Variants in ITGB5 observed in about 807,000 individuals in gnomAD.
The protein encoded by ITGB5 is integrin beta-5.
ITGB5 carries 38 observed loss-of-function variants against 84.8 expected under a neutral mutation model. The ratio of observed to expected loss-of-function variants is 0.45; its 90% CI spans 0.35 to 0.59. The LOEUF (loss-of-function observed/expected upper bound fraction) is 0.59. Among genes scored for constraint, ITGB5 ranks in the 20% least tolerant of loss-of-function variants. ITGB5 has a pLI of 0.01. For missense variants in ITGB5, 905 were observed against 1,034.5 expected, an observed-to-expected ratio of 0.87 and a Z score of 1.72; for synonymous variants, 393 against 414.4, an observed-to-expected ratio of 0.95 and a Z score of 0.63.
chr3:124,884,499 G>C (rs1433916745), intron 1 of ITGB5, among the ~76,000 whole-genome samples: 1 of 152,100 alleles, frequency 6.6e-6, no homozygotes, highest in Non-Finnish European at 1.5e-5. Flanking sequence ...TTGGGAGTTA[G>C]AGACCAGCCT....
At chr3:124,899,914 G>A (rs1180125856) in intron 1 of ITGB5, among the ~76,000 whole-genome samples, 3 of 128,484 alleles carry the variant, frequency 2.3e-5, no homozygotes, top group South Asian at 2.9e-4. Context: ...GGTAGTTTTA[G>A]ATGAGTTACT....
intron 10 of ITGB5, among the ~76,000 whole-genome samples, chr3:124,784,785 C>T (rs2150952664): frequency 6.6e-6 from 1 of 152,372 alleles, no homozygotes; most frequent in South Asian, 2.1e-4. Flanking sequence ...GCCTGGCAGG[C>T]ACTTCTGGGG....
chr3:124,763,568 T>TTTC lies in ITGB5; in HGVS notation c.*52_*54dup. On this transcript the variant is annotated 3_prime_UTR_variant, in exon 15 of 15. Coordinates refer to ENST00000296181, the MANE Select transcript of ITGB5 (RefSeq NM_002213.5). ...TCAAGCCGAGCAGCCGTGCAAGGCG[T>TTTC]TTCAGTCTGACCTTTTCATCAGATC... is the stretch of plus-strand genomic sequence containing the variant. The TTTC allele has an allele frequency of 9.0e-7, 1 of 1,107,602 alleles. No homozygotes were observed. Among genetic ancestry groups the TTTC allele is most frequent in the Non-Finnish European group, 1.4e-6 (1 of 722,508 alleles). The allele number at this position is 1,107,602 out of a possible 1,614,324, so 68.6% of individuals were successfully genotyped here.
In ITGB5 at chr3:124,871,087, C is replaced by T. The variant is rs184710427; in HGVS notation, c.156+2359G>A. Among the ~76,000 whole-genome samples, 6 of 152,144 alleles carry T rather than the reference C, an allele frequency of 3.9e-5. No homozygotes were observed. In the East Asian group the frequency reaches 5.8e-4, roughly 15 times the overall value. On this transcript the variant is annotated intron_variant, in intron 2 of 14. Transcript: ENST00000296181. ...TGTATTTTTTGTAGAGACGGGGTTT[C>T]GTCATGTTGCCCAGACCGGTCTTGA...
chr3:124,775,183 G>A (rs621209), intron 10 of ITGB5, among the ~76,000 whole-genome samples: 46,237 of 152,106 alleles, frequency 0.3, 8,460 homozygotes, highest in African/African-American at 0.52. Flanking sequence ...AATATCACTC[G>A]GCTCAGAGGA....
Position 124,859,330 on chromosome 3 carries a change from G to A in ITGB5, c.273C>T (p.Ser91=), listed in dbSNP as rs769302446. The change falls in exon 3 of 15, where the codon AGC becomes AGT. Residue 91 remains serine, a synonymous_variant. Coordinates refer to ENST00000296181, the MANE Select transcript of ITGB5 (RefSeq NM_002213.5). The part of the protein sequence containing the change: ...SPASSFHVLR[S]LPLSSKGSGS... ...CCGAACCCTTGCTGCTGAGGGGCAG[G>A]CTCCTCAGGACATGGAAGCTGCTGG... 8 of 1,614,042 alleles carry A rather than the reference G, an allele frequency of 5.0e-6. No individual in the cohort carries two copies. The highest frequency in any genetic ancestry group is 1.6e-4 in the Middle Eastern group (1 of 6,084).
chr3:124,898,992 T>C (rs2107663057), intron 1 of ITGB5, among the ~76,000 whole-genome samples: 1 of 151,752 alleles, frequency 6.6e-6, no homozygotes, highest in Non-Finnish European at 1.5e-5. Flanking sequence ...GGAGAATCAC[T>C]TGAACCAGGG....
At chr3:124,901,359 C>G (rs1454359999) in exon 1 of ITGB5, 1 of 152,162 alleles carries the variant, frequency 6.6e-6, no homozygotes, top group Non-Finnish European at 1.5e-5. Flanking sequence ...CCACTGCACT[C>G]CAGCCTGGGC....
At chr3:124,844,160 A>G (rs2065045590) in intron 4 of ITGB5, among the ~76,000 whole-genome samples, 1 of 151,346 alleles carries the variant, frequency 6.6e-6, no homozygotes, top group Non-Finnish European at 1.5e-5. Flanking sequence ...CGAAGAGGAA[A>G]CCATTCAATA....
chr3:124,822,118 T>G (rs1238841141), intron 5 of ITGB5, among the ~76,000 whole-genome samples: 12 of 152,342 alleles, frequency 7.9e-5, no homozygotes, highest in Non-Finnish European at 1.6e-4. Context: ...TATCTGAAAT[T>G]TATCCAGAAT....
chr3:124,811,565 C>T (rs1036559986), intron 8 of ITGB5, among the ~76,000 whole-genome samples: 5 of 152,062 alleles, frequency 3.3e-5, no homozygotes, highest in Non-Finnish European at 4.4e-5. Flanking sequence ...CTGCCCAAGC[C>T]GCCACTCGAA....
chr3:124,863,938 A>G (rs2065342180), intron 2 of ITGB5, among the ~76,000 whole-genome samples: 2 of 151,546 alleles, frequency 1.3e-5, no homozygotes, highest in African/African-American at 4.9e-5. Flanking sequence ...ATAAATCTGG[A>G]AAATGTCTCT....
At chr3:124,810,427 T>C (rs2064481045) in intron 8 of ITGB5, among the ~76,000 whole-genome samples, 1 of 152,132 alleles carries the variant, frequency 6.6e-6, no homozygotes, top group Admixed American at 6.5e-5. Context: ...GAAAAGTGTG[T>C]GAAATTTTCT....
At chr3:124,842,343 C>G (rs1432986408) in intron 4 of ITGB5, among the ~76,000 whole-genome samples, 1 of 152,152 alleles carries the variant, frequency 6.6e-6, no homozygotes, top group African/African-American at 2.4e-5. Flanking sequence ...TCCAAGTGGC[C>G]CTATTCCTGA....
chr3:124,825,643 T>C (rs894232026), intron 5 of ITGB5, among the ~76,000 whole-genome samples: 1 of 152,052 alleles, frequency 6.6e-6, no homozygotes, highest in Non-Finnish European at 1.5e-5. Flanking sequence ...AAAATACAGG[T>C]ACAGAAAACA....
intron 4 of ITGB5, among the ~76,000 whole-genome samples, chr3:124,846,925 A>C (rs2065086398): frequency 6.6e-6 from 1 of 151,794 alleles, no homozygotes; most frequent in Non-Finnish European, 1.5e-5. Context: ...ACAGAGCAAG[A>C]CTCCGTCTCA....
intron 9 of ITGB5, among the ~76,000 whole-genome samples, chr3:124,806,673 A>G (rs2064410614): frequency 6.6e-6 from 1 of 151,506 alleles, no homozygotes; most frequent in Non-Finnish European, 1.5e-5. Context: ...TCCTAACTTC[A>G]TGATCCACCC....
intron 2 of ITGB5, 23 bp downstream of exon 2, chr3:124,873,423 C>G (rs189605913): frequency 1.3e-6 from 2 of 1,547,838 alleles, no homozygotes; most frequent in East Asian, 4.5e-5. Context: ...TTCCCTTCTT[C>G]CTCCCCTCCC....
At chr3:124,886,847 T>C in intron 1 of ITGB5, 84 bp downstream of exon 1, 1 of 877,108 alleles carries the variant, frequency 1.1e-6, no homozygotes, top group Non-Finnish European at 1.5e-6. Flanking sequence ...AGGCACCGCC[T>C]GCGCTCCCCG....
Sources: gnomAD v4.1 joint callset for allele counts (sites outside exome capture counted in the v4.1 genomes callset) on GRCh38, gnomAD v4.1.1 for gene constraint, MANE v1.5 for transcripts, NCBI Gene and HGNC (gene_info 2026-07-23, HGNC 2026-07-21) for gene names.